Variants in HMGN5 observed in about 807,000 individuals in gnomAD.
The protein encoded by HMGN5 is high mobility group nucleosome-binding domain-containing protein 5.
A neutral mutation model predicts 9.5 loss-of-function variants in HMGN5; 4 were observed. That is an observed-to-expected ratio of 0.42 (90% CI 0.21 to 0.96). The LOEUF is 0.96. HMGN5 is among the 40% of genes least tolerant of loss of function. HMGN5 has a pLI of 0.30. For missense variants in HMGN5, 192 were observed against 187.5 expected (o/e 1.02, Z -0.14); for synonymous variants, 55 against 57.1 (o/e 0.96, Z 0.16).
intron 1 of HMGN5, among the ~76,000 whole-genome samples, chrX:81,147,191 C>A (rs2075347422): frequency 9.0e-6 from 1 of 111,456 alleles, no homozygotes; most frequent in Non-Finnish European, 1.9e-5. Flanking sequence ...AGAGACACAG[C>A]AAAATAGAAA....
chrX:81,118,171 A>C (rs2075259549), intron 5 of HMGN5, among the ~76,000 whole-genome samples: 1 of 110,991 alleles, frequency 9.0e-6, no homozygotes, highest in African/African-American at 3.3e-5. Flanking sequence ...TATGATAGCA[A>C]AGGCATGTAC....
chrX:81,175,855 T>C (rs1018020060), intron 1 of HMGN5, among the ~76,000 whole-genome samples: 1 of 111,751 alleles, frequency 8.9e-6, no homozygotes, highest in Non-Finnish European at 1.9e-5. Flanking sequence ...AGTCGGCAGA[T>C]CCCAGCATGA....
At chrX:81,139,928 G>C (rs1392743392) in intron 1 of HMGN5, among the ~76,000 whole-genome samples, 1 of 112,016 alleles carries the variant, frequency 8.9e-6, no homozygotes, top group Non-Finnish European at 1.9e-5. Flanking sequence ...CATAAGGATT[G>C]CAACTCTTAG....
chrX:81,164,148 C>T (rs1279025542), intron 1 of HMGN5, among the ~76,000 whole-genome samples: 1 of 111,675 alleles, frequency 9.0e-6, no homozygotes, highest in Admixed American at 9.5e-5. Context: ...AAGTGAATCC[C>T]AGTCCCCTCA....
At chrX:81,132,577 CAAG>C (rs1347534274) in intron 1 of HMGN5, among the ~76,000 whole-genome samples, 1 of 111,324 alleles carries the variant, frequency 9.0e-6, no homozygotes, top group Non-Finnish European at 1.9e-5. Context: ...ACAAACCTGA[CAAG>C]AACAATCAAT....
At chrX:81,179,173 T>C (rs2075452741) in intron 1 of HMGN5, among the ~76,000 whole-genome samples, 1 of 111,776 alleles carries the variant, frequency 8.9e-6, no homozygotes, top group Non-Finnish European at 1.9e-5. Context: ...ACCACTCCTA[T>C]TCAACATAGT....
intron 1 of HMGN5, among the ~76,000 whole-genome samples, chrX:81,186,147 C>G (rs1001378126): frequency 3.6e-5 from 4 of 111,105 alleles, no homozygotes; most frequent in African/African-American, 1.3e-4. Context: ...TAAAAGTGTC[C>G]CCTCTTCTTC....
At chrX:81,197,319 A>G (rs186033592) in intron 1 of HMGN5, among the ~76,000 whole-genome samples, 378 of 112,293 alleles carry the variant, frequency 3.4e-3, no homozygotes, top group Middle Eastern at 9.2e-3. Flanking sequence ...TAGTAAACTT[A>G]ATATTCAATG....
In HMGN5 at chrX:81,115,090, ATCT is replaced by A. The variant is rs1307866910; in HGVS notation, c.405_407del (p.Glu135del). 5.3e-6 allele frequency: 6 copies of A among 1,135,778 alleles called. No individual in the cohort carries two copies. The highest frequency in any genetic ancestry group is 5.6e-5 in the Admixed American group (2 of 35,917). The allele number at this position is 1,135,778 out of a possible 1,213,427, so 93.6% of individuals were successfully genotyped here. A position where few individuals can be genotyped will look rare whatever the true frequency, so the allele number is the denominator to read the frequency against. On this transcript the variant is annotated inframe_deletion, in exon 7 of 7. Transcript: ENST00000358130. ...CAGCTTCCCCTTTCTCTTCGTTTTG[ATCT>A]TCTTCATCTTCTTTCTGATCTTCTT...
At chrX:81,193,815 G>A (rs185954375) in intron 1 of HMGN5, among the ~76,000 whole-genome samples, 97 of 111,472 alleles carry the variant, frequency 8.7e-4, no homozygotes, top group East Asian at 3.4e-3. Flanking sequence ...TGTATATTGC[G>A]GTTATAAACA....
chrX:81,121,505 A>C (rs765371090), intron 2 of HMGN5, 30 bp downstream of exon 2: 3 of 1,188,356 alleles, frequency 2.5e-6, no homozygotes, highest in East Asian at 3.0e-5. Flanking sequence ...TCAGCAGCTC[A>C]TTCCCCGTCT....
At chrX:81,198,216 G>A (rs1048596008) in intron 1 of HMGN5, among the ~76,000 whole-genome samples, 1 of 111,660 alleles carries the variant, frequency 9.0e-6, no homozygotes, top group African/African-American at 3.3e-5. Flanking sequence ...GGTTTAGTTC[G>A]ATAGTCAATG....
chrX:81,146,854 A>G (rs2075345776), intron 1 of HMGN5, among the ~76,000 whole-genome samples: 1 of 112,175 alleles, frequency 8.9e-6, no homozygotes, highest in Admixed American at 9.5e-5. Flanking sequence ...CTAACATCAG[A>G]GAATACTATA....
At chrX:81,194,964 C>G (rs2075503818) in intron 1 of HMGN5, among the ~76,000 whole-genome samples, 1 of 111,914 alleles carries the variant, frequency 8.9e-6, no homozygotes, top group Non-Finnish European at 1.9e-5. Flanking sequence ...TGGAGGTGTT[C>G]ATAAGTAATT....
At chrX:81,176,020 G>A (rs1169194619) in intron 1 of HMGN5, among the ~76,000 whole-genome samples, 4 of 111,660 alleles carry the variant, frequency 3.6e-5, no homozygotes, top group African/African-American at 1.3e-4. Context: ...ACACTTCCCA[G>A]TAGGGGCCGA....
At chrX:81,126,040 T>A (rs1392248644) in intron 1 of HMGN5, among the ~76,000 whole-genome samples, 1 of 105,325 alleles carries the variant, frequency 9.5e-6, no homozygotes, top group Non-Finnish European at 1.9e-5. Context: ...CTCAGCTACT[T>A]GGGAGGCTGC....
chrX:81,117,348 A>C (rs1602554527), intron 5 of HMGN5, among the ~76,000 whole-genome samples: 1 of 89,984 alleles, frequency 1.1e-5, no homozygotes, highest in Non-Finnish European at 2.1e-5. Context: ...TCCTCCTCCC[A>C]GGCTCAAGCA....
intron 1 of HMGN5, among the ~76,000 whole-genome samples, chrX:81,127,392 G>A (rs1424710167): frequency 1.8e-5 from 2 of 111,688 alleles, no homozygotes; most frequent in African/African-American, 3.2e-5. Context: ...CACCCTTCAT[G>A]AGAGAATAGT....
intron 3 of HMGN5, 95 bp from the exon 4 acceptor site, chrX:81,118,854 A>T: frequency 1.9e-6 from 1 of 536,302 alleles, no homozygotes; most frequent in Non-Finnish European, 3.1e-6. Flanking sequence ...GTAACAATAC[A>T]TAAATATTGT....
Sources: gnomAD v4.1 joint callset for allele counts (sites outside exome capture counted in the v4.1 genomes callset) on GRCh38, gnomAD v4.1.1 for gene constraint, MANE v1.5 for transcripts, NCBI Gene and HGNC (gene_info 2026-07-23, HGNC 2026-07-21) for gene names.